GPR107: variants seen among roughly 807,000 people sequenced by gnomAD.
GPR107 encodes protein GPR107.
A neutral mutation model predicts 75.5 loss-of-function variants in GPR107; 31 were observed. The ratio of observed to expected loss-of-function variants is 0.41; its 90% confidence interval spans 0.31 to 0.55. The LOEUF (loss-of-function observed/expected upper bound fraction) is 0.55. Ranked by LOEUF, GPR107 falls within the 20% of genes least tolerant of loss-of-function variation. GPR107 has a pLI of 0.26. For synonymous variants in GPR107, 267 were observed against 251.3 expected (o/e 1.06, Z -0.59); for missense variants, 572 against 665.7 (o/e 0.86, Z 1.55).
chr9:130,102,176 G>GGCAGTGGGATA (rs59917862), intron 12 of GPR107, among the ~76,000 whole-genome samples: 1 of 152,042 alleles, frequency 6.6e-6, no homozygotes, highest in Non-Finnish European at 1.5e-5. Context: ...ATGTGACAGA[G>GGCAGTGGGATA]GCAGTAAATA....
intron 9 of GPR107, among the ~76,000 whole-genome samples, chr9:130,093,859 C>T (rs1830800515): frequency 6.6e-6 from 1 of 152,118 alleles, no homozygotes; most frequent in Non-Finnish European, 1.5e-5. Flanking sequence ...CCCTAGCCCC[C>T]AGGCTGGAGT....
At chr9:130,099,926 G>A (rs1309824952) in intron 10 of GPR107, among the ~76,000 whole-genome samples, 2 of 120,156 alleles carry the variant, frequency 1.7e-5, no homozygotes, top group South Asian at 3.0e-4. Context: ...ACGGGGCCTC[G>A]CTCTGTTGCC....
intron 17 of GPR107, chr9:130,129,079 G>T (rs1370328940): frequency 9.9e-6 from 2 of 201,242 alleles, no homozygotes; most frequent in East Asian, 1.3e-4. Flanking sequence ...AGAACAGGGG[G>T]CCGACTTTCT....
rs1450589950 is a variant in GPR107, at chr9:130,136,575, C to G, written c.*1454C>G. 4 of 152,174 alleles carry G rather than the reference C, an allele frequency of 2.6e-5. No homozygotes were observed. The highest frequency in any genetic ancestry group is 2.6e-4 in the Admixed American group (4 of 15,274). 9.4% of individuals were successfully genotyped at this position (152,174 alleles called of 1,614,324 possible). A position where few individuals can be genotyped will look rare whatever the true frequency, so the allele number is the denominator to read the frequency against. ...GTCTCTGGGAGTTGTTTTCTCACCT[C>G]TGGCTTAGAAGGGTCAGGCAGAAAC... is the stretch of plus-strand genomic sequence containing the variant. On this transcript the variant is annotated 3_prime_UTR_variant, in exon 18 of 18. Transcript: ENST00000347136.
chr9:130,108,992 C>CTTTTTT (rs11316244), intron 14 of GPR107, among the ~76,000 whole-genome samples: 5 of 66,056 alleles, frequency 7.6e-5, no homozygotes, highest in Non-Finnish European at 1.3e-4. Flanking sequence ...TGGGGATATT[C>CTTTTTT]TTTTTTTTTT....
At chr9:130,084,785 A>G (rs1830577575) in intron 6 of GPR107, among the ~76,000 whole-genome samples, 1 of 152,026 alleles carries the variant, frequency 6.6e-6, no homozygotes, top group African/African-American at 2.4e-5. Context: ...CAAAAAAAAA[A>G]AAAAGGAAAA....
chr9:130,075,398 C>CCA (rs913986444), intron 1 of GPR107, among the ~76,000 whole-genome samples: 1 of 151,912 alleles, frequency 6.6e-6, no homozygotes, highest in African/African-American at 2.4e-5. Context: ...GTGCCCGCCA[C>CCA]CATGCCCGGC....
At chr9:130,084,047 C>CATAT (rs139002438) in intron 6 of GPR107, among the ~76,000 whole-genome samples, 29,600 of 130,692 alleles carry the variant, frequency 0.23, 3,634 homozygotes, top group East Asian at 0.43. Context: ...AGAGAGCTAA[C>CATAT]ATATATATAT....
intron 13 of GPR107, among the ~76,000 whole-genome samples, chr9:130,106,062 C>T (rs761838256): frequency 2.6e-5 from 4 of 152,100 alleles, no homozygotes; most frequent in African/African-American, 9.7e-5. Flanking sequence ...GTTTCCAGAT[C>T]GAAAAGAGCA....
At chr9:130,070,430 C>T (rs112218612) in intron 1 of GPR107, among the ~76,000 whole-genome samples, 6,220 of 151,990 alleles carry the variant, frequency 0.041, 426 homozygotes, top group African/African-American at 0.14. Flanking sequence ...CAGCCTCCCA[C>T]GTAGCTGGGA....
chr9:130,105,829 C>G (rs186824661), intron 13 of GPR107, among the ~76,000 whole-genome samples: 26 of 151,354 alleles, frequency 1.7e-4, no homozygotes, highest in Non-Finnish European at 3.1e-4. Context: ...ACTACCATAC[C>G]CAGCCAATTT....
chr9:130,105,401 G>A (rs1479468096), intron 13 of GPR107, among the ~76,000 whole-genome samples: 1 of 151,798 alleles, frequency 6.6e-6, no homozygotes, highest in Admixed American at 6.6e-5. Context: ...TTACAGGTGC[G>A]TGTCACCATG....
At chr9:130,101,722 T>C (rs2132610805) in intron 12 of GPR107, among the ~76,000 whole-genome samples, 1 of 152,320 alleles carries the variant, frequency 6.6e-6, no homozygotes, top group East Asian at 1.9e-4. Flanking sequence ...GCTGTGAGTC[T>C]TTTGCGGGAG....
Position 130,079,696 on chromosome 9 carries a change from G to A in GPR107, c.453G>A (p.Glu151=), listed in dbSNP as rs772294783. ...QLPKIIFSRD[E]KVLGQSQEPN... is the part of the protein sequence containing the mutation. Reference sequence around the variant, plus strand: ...CAAAGATCATCTTCAGCAGGGATGAGAAAGTCCTTGGTCAGAGCCAGGAGC... The same window carrying A: ...CAAAGATCATCTTCAGCAGGGATGAAAAAGTCCTTGGTCAGAGCCAGGAGC... Residue 151 remains glutamate, a synonymous_variant, in exon 5 of 18, where the codon GAG becomes GAA. Transcript: ENST00000347136. The A allele has an allele frequency of 1.2e-6, 2 of 1,612,634 alleles. No homozygotes were observed. Among genetic ancestry groups the A allele is most frequent in the Admixed American group, 1.7e-5 (1 of 60,002 alleles).
rs150848355 is a variant in GPR107, at chr9:130,134,987, G to A, written c.1563-38G>A. ...AGAGATGGCCTTTTACTAAGAGACT[G>A]TGAGATGTTCCTAATTGTTTTTTCT... On this transcript the variant is annotated intron_variant, in intron 17 of 17. Coordinates refer to ENST00000347136, the MANE Select transcript of GPR107 (RefSeq NM_020960.5). The A allele has an allele frequency of 1.0e-4, 119 of 1,171,848 alleles. No individual in the cohort carries two copies. In the African/African-American group the frequency reaches 1.5e-3, roughly 15 times the overall value. The allele number at this position is 1,171,848 out of a possible 1,614,324, so 72.6% of individuals were successfully genotyped here.
intron 4 of GPR107, 122 bp downstream of exon 4, chr9:130,077,500 C>T (rs1169248405): frequency 1.5e-6 from 1 of 656,664 alleles, no homozygotes; most frequent in Non-Finnish European, 2.8e-6. Context: ...GCTGGAGATT[C>T]AAGACAAGGC....
In GPR107 at chr9:130,079,714, C is replaced by T. The variant is rs144933240; in HGVS notation, c.471C>T (p.Ser157=). The T allele has an allele frequency of 7.4e-6, 12 of 1,612,248 alleles. No homozygotes were observed. The highest frequency in any genetic ancestry group is 2.2e-5 in the East Asian group (1 of 44,862). ...FSRDEKVLGQ[S]QEPNVNPASA... ...GGGATGAGAAAGTCCTTGGTCAGAG[C>T]CAGGAGCCTAATGTTAACCCTGCTT... The change falls in exon 5 of 18, where the codon AGC becomes AGT. Residue 157 remains serine (S), a synonymous_variant. Coordinates refer to ENST00000347136, the MANE Select transcript of GPR107 (RefSeq NM_020960.5).
rs145690397 is a variant in GPR107 at position 130,123,530 on chromosome 9, C to T, written c.1307-1385C>T. 1.7e-4 allele frequency among the ~76,000 whole-genome samples: 21 copies of T among 127,128 alleles called. 3 individuals carry two copies. Among genetic ancestry groups the T allele is most frequent in the Non-Finnish European group, 1.7e-4 (10 of 60,184 alleles). 83.4% of individuals were successfully genotyped at this position (127,128 alleles called of 152,430 possible). On this transcript the variant is annotated intron_variant, in intron 14 of 17. Transcript: ENST00000347136. Reference sequence around the variant, plus strand: ...TTCTTTTTTTTCTTTCTTTTCTTTTCTTTTTTTTTTTTTTTTTTTGTAGAA... The same window carrying T: ...TTCTTTTTTTTCTTTCTTTTCTTTTTTTTTTTTTTTTTTTTTTTTGTAGAA...
intron 17 of GPR107, among the ~76,000 whole-genome samples, chr9:130,130,540 C>T (rs1831799105): frequency 6.6e-6 from 1 of 152,168 alleles, no homozygotes; most frequent in Admixed American, 6.5e-5. Flanking sequence ...CCAGGTCTCC[C>T]CACACTTCCA....
Sources: allele counts gnomAD v4.1 joint callset (sites outside exome capture counted in the v4.1 genomes callset), GRCh38; gene constraint gnomAD v4.1.1; transcripts MANE v1.5; gene names NCBI Gene and HGNC (gene_info 2026-07-23, HGNC 2026-07-21).